Variants in KCNC2 observed in about 807,000 individuals in gnomAD.
KCNC2 encodes voltage-gated potassium channel KCNC2.
In KCNC2, 21 loss-of-function variants were observed where a neutral mutation model predicts 44.5. That is an observed-to-expected ratio of 0.47 (90% CI 0.33 to 0.68). The LOEUF (loss-of-function observed/expected upper bound fraction) is 0.68. Ranked by LOEUF, KCNC2 falls within the 30% of genes least tolerant of loss-of-function variation. The probability of loss-of-function intolerance (pLI) is 0.01; values close to 1 mark genes in which losing one functional copy is unlikely to be tolerated. For missense variants in KCNC2, 589 were observed against 826.2 expected, an observed-to-expected ratio of 0.71 and a Z score of 3.52; for synonymous variants, 391 against 339.1, an observed-to-expected ratio of 1.15 and a Z score of -1.68.
At chr12:75,068,395 T>A (rs749513121) in intron 2 of KCNC2, among the ~76,000 whole-genome samples, 8 of 152,060 alleles carry the variant, frequency 5.3e-5, no homozygotes, top group Non-Finnish European at 1.2e-4. Context: ...AGGGCAAGAG[T>A]CAAAGCAGTG....
intron 2 of KCNC2, among the ~76,000 whole-genome samples, chr12:75,122,198 C>A (rs1052585537): frequency 1.3e-5 from 2 of 152,058 alleles, no homozygotes; most frequent in African/African-American, 4.8e-5. Flanking sequence ...CAACAGAGTT[C>A]ATTTGTTTGT....
intron 2 of KCNC2, among the ~76,000 whole-genome samples, chr12:75,204,600 T>A (rs912233793): frequency 1.3e-5 from 2 of 152,140 alleles, no homozygotes; most frequent in African/African-American, 4.8e-5. Context: ...CTATTAAGAA[T>A]GAGACTCATG....
chr12:75,150,904 A>G (rs1319224788), intron 2 of KCNC2, among the ~76,000 whole-genome samples: 1 of 151,984 alleles, frequency 6.6e-6, no homozygotes, highest in African/African-American at 2.4e-5. Context: ...TCTAAAGTAA[A>G]ATTTAGAGAT....
rs1206920963 is a variant in KCNC2, at chr12:75,087,964, C to T, written c.688-36647G>A. ...CTTAACTGCCCCCAAGTGACAGAATCATACATTTCATGGCAATGGATATCA... is the reference window on the plus strand; with the variant it reads ...CTTAACTGCCCCCAAGTGACAGAATTATACATTTCATGGCAATGGATATCA... On this transcript the variant is annotated intron_variant, in intron 2 of 4. Transcript: ENST00000549446. 3.3e-5 allele frequency among the ~76,000 whole-genome samples: 5 copies of T among 150,866 alleles called. No homozygotes were observed. The East Asian group carries it at 9.8e-4, about 30-fold the overall frequency.
intron 2 of KCNC2, among the ~76,000 whole-genome samples, chr12:75,058,919 G>T (rs1314897995): frequency 1.3e-5 from 2 of 151,942 alleles, no homozygotes; most frequent in African/African-American, 4.8e-5. Flanking sequence ...TAAGATCTTT[G>T]TTTAGTGGAC....
At position 75,207,537 on chromosome 12, in the gene KCNC2, C is replaced by T. The variant is rs1002372722; in HGVS notation, c.447G>A (p.Glu149=). ...AFWGIDETDV[E]PCCWMTYRQH... ...GCCGGTAGGTCATCCAGCAGCAGGGCTCCACGTCGGTCTCGTCGATGCCCC... is the reference window on the plus strand; with the variant it reads ...GCCGGTAGGTCATCCAGCAGCAGGGTTCCACGTCGGTCTCGTCGATGCCCC... The change falls in exon 2 of 5, where the codon GAG becomes GAA. Residue 149 remains glutamate, a synonymous_variant. Coordinates refer to ENST00000549446, the MANE Select transcript of KCNC2 (RefSeq NM_139137.4). The surrounding 1 kb of genome is among the most constrained non-coding windows in gnomAD (Gnocchi z 4.1). The T allele has an allele frequency of 3.1e-6, 5 of 1,612,266 alleles. No individual in the cohort carries two copies. The Admixed American group carries it at 5.0e-5, about 16-fold the overall frequency.
intron 2 of KCNC2, among the ~76,000 whole-genome samples, chr12:75,055,743 C>T (rs1000511547): frequency 2.0e-5 from 3 of 151,888 alleles, no homozygotes; most frequent in Non-Finnish European, 4.4e-5. Context: ...TATTTTTTTC[C>T]AATCAGTGAC....
At chr12:75,131,664 G>A (rs1045462960) in intron 2 of KCNC2, among the ~76,000 whole-genome samples, 2 of 152,142 alleles carry the variant, frequency 1.3e-5, no homozygotes, top group African/African-American at 4.8e-5. Flanking sequence ...CATTGTTGCT[G>A]GAGGGGGCTA....
At position 75,175,648 on chromosome 12, in the gene KCNC2, G is replaced by T. The variant is rs1328631775; in HGVS notation, c.687+31649C>A. On this transcript the variant is annotated intron_variant, in intron 2 of 4. Coordinates refer to ENST00000549446, the MANE Select transcript of KCNC2 (RefSeq NM_139137.4). ...CCCCTCTGGCATAGTAAGGAGTTAA[G>T]TTTGAAACAGTAGTCTCTGAAGAGC... Among the ~76,000 whole-genome samples, 4 of 152,146 alleles carry T rather than the reference G, an allele frequency of 2.6e-5. No individual in the cohort carries two copies. In the South Asian group the frequency reaches 8.3e-4, roughly 31 times the overall value.
intron 2 of KCNC2, among the ~76,000 whole-genome samples, chr12:75,055,561 T>C (rs532914997): frequency 2.6e-5 from 4 of 152,204 alleles, no homozygotes; most frequent in South Asian, 4.1e-4. Flanking sequence ...TAGAAAGCTC[T>C]CCAGACAAGG....
Position 75,156,818 on chromosome 12 carries a change from C to A in KCNC2, c.687+50479G>T, listed in dbSNP as rs546740706. Among the ~76,000 whole-genome samples the A allele has an allele frequency of 2.6e-5, 4 of 151,954 alleles. No individual in the cohort carries two copies. The South Asian group carries it at 8.3e-4, about 32-fold the overall frequency. ...GGCTCCAAAAATTCATTTAGAATTT[C>A]TTTATATCATTATCATACCCAAATA... On this transcript the variant is annotated intron_variant, in intron 2 of 4. Coordinates refer to ENST00000549446, the MANE Select transcript of KCNC2 (RefSeq NM_139137.4).
intron 2 of KCNC2, among the ~76,000 whole-genome samples, chr12:75,054,431 A>G (rs1367309346): frequency 6.6e-6 from 1 of 152,126 alleles, no homozygotes; most frequent in Non-Finnish European, 1.5e-5. Flanking sequence ...CTCTAAGGAG[A>G]AGGAGGAAGA....
chr12:75,147,678 C>T (rs149029635), intron 2 of KCNC2, among the ~76,000 whole-genome samples: 159 of 152,226 alleles, frequency 1.0e-3, no homozygotes, highest in African/African-American at 3.3e-3. Flanking sequence ...AAAGCACAGA[C>T]ATGACACATG....
intron 2 of KCNC2, among the ~76,000 whole-genome samples, chr12:75,203,652 T>A (rs2031469997): frequency 6.6e-6 from 1 of 151,836 alleles, no homozygotes; most frequent in Non-Finnish European, 1.5e-5. Flanking sequence ...AAACAGAAGA[T>A]CTGCCAAGTA....
chr12:75,122,266 C>A (rs1888099266), intron 2 of KCNC2, among the ~76,000 whole-genome samples: 1 of 152,164 alleles, frequency 6.6e-6, no homozygotes, highest in Non-Finnish European at 1.5e-5. Context: ...AGGTACCCTC[C>A]AAAATTGGCC....
chr12:75,091,062 A>C (rs1365584753), intron 2 of KCNC2, among the ~76,000 whole-genome samples: 1 of 151,544 alleles, frequency 6.6e-6, no homozygotes, highest in Non-Finnish European at 1.5e-5. Context: ...TTTTAATATG[A>C]TTTCTGATTT....
At chr12:75,065,783 C>G (rs980407992) in intron 2 of KCNC2, among the ~76,000 whole-genome samples, 14 of 152,074 alleles carry the variant, frequency 9.2e-5, no homozygotes, top group Admixed American at 2.0e-4. Context: ...TTCTCAAACC[C>G]TATCCCTGTT....
intron 2 of KCNC2, among the ~76,000 whole-genome samples, chr12:75,117,027 T>C (rs1488640742): frequency 6.6e-6 from 1 of 152,094 alleles, no homozygotes; most frequent in Non-Finnish European, 1.5e-5. Context: ...TCTTCTGTTT[T>C]GGGCACAGTT....
chr12:75,133,636 G>GT (rs2137357494), intron 2 of KCNC2, among the ~76,000 whole-genome samples: 1 of 152,054 alleles, frequency 6.6e-6, no homozygotes, highest in Admixed American at 6.6e-5. Context: ...TTTCATAAGA[G>GT]TGGCCTTACA....
Sources: gnomAD v4.1 joint callset for allele counts (sites outside exome capture counted in the v4.1 genomes callset) on GRCh38, gnomAD v4.1.1 for gene constraint, Gnocchi (gnomAD v3.1) non-coding constraint, MANE v1.5 for transcripts, NCBI Gene and HGNC (gene_info 2026-07-23, HGNC 2026-07-21) for gene names.